CPQ: variants seen among roughly 807,000 people sequenced by gnomAD.
CPQ encodes the protein Ser-Met dipeptidase.
Under a neutral mutation model 45.7 loss-of-function variants are expected in CPQ, and 37 were observed. That is an observed-to-expected ratio of 0.81 (90% CI 0.62 to 1.07). The LOEUF is 1.07. Among genes scored for constraint, CPQ ranks in the 50% least tolerant of loss-of-function variants. The pLI is 0.00. For synonymous variants in CPQ, 186 were observed against 205.8 expected (o/e 0.90, Z 0.82); for missense variants, 537 against 572.9 (o/e 0.94, Z 0.64).
intron 5 of CPQ, among the ~76,000 whole-genome samples, chr8:96,989,726 C>T (rs556854377): frequency 5.3e-5 from 8 of 152,134 alleles, no homozygotes; most frequent in Non-Finnish European, 1.2e-4. Context: ...GTTATTGGTT[C>T]TCTGTCTCCC....
At chr8:96,686,510 A>G (rs994691842) in intron 1 of CPQ, among the ~76,000 whole-genome samples, 3 of 151,912 alleles carry the variant, frequency 2.0e-5, no homozygotes, top group Admixed American at 1.3e-4. Context: ...TAATAGATTT[A>G]TTGTTATACA....
At chr8:96,734,970 T>C (rs536041695) in intron 1 of CPQ, among the ~76,000 whole-genome samples, 66 of 152,014 alleles carry the variant, frequency 4.3e-4, no homozygotes, top group African/African-American at 1.5e-3. Context: ...CTCTCTCTCT[T>C]TCTCTCTCTT....
chr8:97,123,167 TAAAATAAAATATA>T (rs1196189228), intron 7 of CPQ, among the ~76,000 whole-genome samples: 99 of 45,416 alleles, frequency 2.2e-3, no homozygotes, highest in African/African-American at 4.3e-3. Context: ...TAAAATAAAA[TAAAATAAAATATA>T]AAATAAAATA....
chr8:96,912,264 G>A (rs970906651), intron 4 of CPQ, among the ~76,000 whole-genome samples: 13 of 152,166 alleles, frequency 8.5e-5, no homozygotes, highest in Non-Finnish European at 8.8e-5. Flanking sequence ...TAGAAGTCAA[G>A]TCTTATAACA....
intron 4 of CPQ, among the ~76,000 whole-genome samples, chr8:96,887,492 T>C (rs538246237): frequency 7.2e-5 from 11 of 152,276 alleles, no homozygotes; most frequent in African/African-American, 2.6e-4. Flanking sequence ...TTTTAATTTA[T>C]GATGCTTTCA....
chr8:97,050,642 A>G (rs1363525989), intron 6 of CPQ, among the ~76,000 whole-genome samples: 3 of 152,178 alleles, frequency 2.0e-5, no homozygotes, highest in Non-Finnish European at 4.4e-5. Context: ...AGGCAGAAGG[A>G]TTGCGTGAGC....
intron 5 of CPQ, among the ~76,000 whole-genome samples, chr8:97,010,265 A>G (rs1012570851): frequency 2.0e-5 from 3 of 152,162 alleles, no homozygotes; most frequent in East Asian, 1.9e-4. Flanking sequence ...AATGGTCTCA[A>G]CGTAAGGGGG....
intron 4 of CPQ, among the ~76,000 whole-genome samples, chr8:96,896,076 A>G (rs544688635): frequency 1.3e-5 from 2 of 152,212 alleles, no homozygotes; most frequent in East Asian, 3.9e-4. Context: ...TTATGAGGGC[A>G]CTGGAATCAA....
At chr8:96,682,458 T>C (rs1340343067) in intron 1 of CPQ, among the ~76,000 whole-genome samples, 2 of 152,242 alleles carry the variant, frequency 1.3e-5, no homozygotes, top group African/African-American at 2.4e-5. Context: ...CTCCCAGCCA[T>C]GTGGAACTGT....
intron 7 of CPQ, among the ~76,000 whole-genome samples, chr8:97,085,430 A>G (rs1360544590): frequency 6.6e-6 from 1 of 151,780 alleles, no homozygotes; most frequent in Admixed American, 6.6e-5. Flanking sequence ...CTCTGGAGCT[A>G]TGCCCTCTTT....
intron 1 of CPQ, among the ~76,000 whole-genome samples, chr8:96,678,493 A>G (rs954827648): frequency 2.0e-5 from 3 of 151,992 alleles, no homozygotes; most frequent in African/African-American, 7.2e-5. Context: ...AACCTCCATG[A>G]TGTGTTTCAT....
intron 4 of CPQ, among the ~76,000 whole-genome samples, chr8:96,903,834 A>G (rs1812542919): frequency 6.6e-6 from 1 of 152,122 alleles, no homozygotes; most frequent in African/African-American, 2.4e-5. Context: ...CCATATGGAG[A>G]AAAAAATATG....
intron 4 of CPQ, among the ~76,000 whole-genome samples, chr8:96,887,286 TTG>T (rs1357216013): frequency 6.6e-6 from 1 of 152,208 alleles, no homozygotes; most frequent in Non-Finnish European, 1.5e-5. Context: ...AATGTATGCT[TTG>T]ACCAGGCTAA....
chr8:96,732,025 A>G (rs968174166), intron 1 of CPQ, among the ~76,000 whole-genome samples: 5 of 152,182 alleles, frequency 3.3e-5, no homozygotes, highest in Admixed American at 3.3e-4. Context: ...GTAAGTGTTC[A>G]GGGAGATGAC....
intron 3 of CPQ, among the ~76,000 whole-genome samples, chr8:96,846,925 C>T (rs1811699877): frequency 6.6e-6 from 1 of 152,092 alleles, no homozygotes; most frequent in African/African-American, 2.4e-5. Context: ...TATTTTATGA[C>T]ACTAACATTT....
chr8:96,771,153 A>T (rs1810539272), intron 1 of CPQ, among the ~76,000 whole-genome samples: 2 of 148,332 alleles, frequency 1.3e-5, no homozygotes, highest in African/African-American at 4.9e-5. Flanking sequence ...AAATATATAA[A>T]ACATTATATT....
intron 4 of CPQ, among the ~76,000 whole-genome samples, chr8:96,899,849 A>G (rs1031396052): frequency 1.3e-5 from 2 of 152,202 alleles, no homozygotes; most frequent in East Asian, 1.9e-4. Flanking sequence ...AGCATTAGGT[A>G]TACCAGAACA....
intron 4 of CPQ, among the ~76,000 whole-genome samples, chr8:96,895,894 G>A (rs1004998703): frequency 2.6e-5 from 4 of 152,132 alleles, no homozygotes; most frequent in Admixed American, 6.6e-5. Flanking sequence ...CCTTAGTTAT[G>A]CCTCATCTCT....
intron 1 of CPQ, among the ~76,000 whole-genome samples, chr8:96,658,085 G>A (rs1194311041): frequency 2.0e-5 from 3 of 152,098 alleles, no homozygotes; most frequent in Non-Finnish European, 4.4e-5. Flanking sequence ...CTTTTGTAGG[G>A]TTTTTCTTTT....
Sources: gnomAD v4.1 joint callset for allele counts (sites outside exome capture counted in the v4.1 genomes callset) on GRCh38, gnomAD v4.1.1 for gene constraint, MANE v1.5 for transcripts, NCBI Gene and HGNC (gene_info 2026-07-23, HGNC 2026-07-21) for gene names.